IL18R1: variants seen among roughly 807,000 people sequenced by gnomAD.
The protein encoded by IL18R1 is interleukin-18 receptor 1.
Under a neutral mutation model 48.5 loss-of-function variants are expected in IL18R1, and 40 were observed. The ratio of observed to expected loss-of-function variants is 0.82; its 90% confidence interval spans 0.64 to 1.07. IL18R1 has a LOEUF of 1.07. Ranked by LOEUF, IL18R1 falls within the 50% of genes least tolerant of loss-of-function variation. The pLI is 0.00. For synonymous variants in IL18R1, 232 were observed against 225.9 expected, an observed-to-expected ratio of 1.03 and a Z score of -0.24; for missense variants, 596 against 633.7, an observed-to-expected ratio of 0.94 and a Z score of 0.64.
chr2:102,395,678 G>A (rs948817116), intron 10 of IL18R1, among the ~76,000 whole-genome samples: 8 of 152,204 alleles, frequency 5.3e-5, no homozygotes, highest in Non-Finnish European at 8.8e-5. Flanking sequence ...CTATATTTCC[G>A]TTATTTTCTA....
intron 10 of IL18R1, among the ~76,000 whole-genome samples, chr2:102,395,546 CA>C (rs1680776356): frequency 1.3e-5 from 2 of 151,992 alleles, no homozygotes; most frequent in Middle Eastern, 3.4e-3. Context: ...AACAACTTGT[CA>C]AAAAAATATG....
chr2:102,370,235 G>T (rs1483631217), intron 3 of IL18R1, among the ~76,000 whole-genome samples: 1 of 152,222 alleles, frequency 6.6e-6, no homozygotes, highest in African/African-American at 2.4e-5. Flanking sequence ...TCCTGCACAT[G>T]GAGTGTCATC....
At chr2:102,396,507 A>G (rs972231152) in intron 10 of IL18R1, 24 bp from the exon 11 acceptor site, 2 of 1,368,720 alleles carry the variant, frequency 1.5e-6, no homozygotes, top group African/African-American at 2.9e-5. Context: ...TCTTAAATTA[A>G]TAGGGGTTAT....
chr2:102,369,048 G>A (rs1427447799), intron 3 of IL18R1, among the ~76,000 whole-genome samples: 2 of 152,074 alleles, frequency 1.3e-5, no homozygotes, highest in African/African-American at 2.4e-5. Flanking sequence ...TAACTCTTTT[G>A]ATAAAAATCA....
At position 102,385,002 on chromosome 2, in the gene IL18R1, TG is replaced by T; in HGVS notation, c.809+5del. ...AAGAGAAAGAAATGAGAATTATGTATGTATGTGTAATATATATGTCATGATA... is the reference window on the plus strand; with the variant it reads ...AAGAGAAAGAAATGAGAATTATGTATTATGTGTAATATATATGTCATGATA... On this transcript the variant is annotated splice_donor_5th_base_variant and intron_variant, in intron 7 of 10. Coordinates refer to ENST00000233957, the MANE Select transcript of IL18R1 (RefSeq NM_003855.5). 2 of 1,486,624 alleles carry T rather than the reference TG, an allele frequency of 1.3e-6. No homozygotes were observed. Among genetic ancestry groups the T allele is most frequent in the Non-Finnish European group, 1.9e-6 (2 of 1,065,992 alleles). 92.1% of individuals were successfully genotyped at this position (1,486,624 alleles called of 1,614,324 possible). A position where few individuals can be genotyped will look rare whatever the true frequency, so the allele number is the denominator to read the frequency against.
intron 4 of IL18R1, among the ~76,000 whole-genome samples, chr2:102,372,646 A>T (rs1027065409): frequency 5.3e-5 from 8 of 151,608 alleles, no homozygotes; most frequent in East Asian, 1.9e-4. Context: ...GGTATATTTT[A>T]TTTTTTTATG....
Position 102,372,046 on chromosome 2 carries a change from TA to T in IL18R1, c.402del (p.Lys134AsnfsTer5). 2 of 1,608,858 alleles carry T rather than the reference TA, an allele frequency of 1.2e-6. No homozygotes were observed. The highest frequency in any genetic ancestry group is 1.7e-6 in the Non-Finnish European group (2 of 1,177,690). On this transcript the variant is annotated frameshift_variant, in exon 4 of 11. Coordinates refer to ENST00000233957, the MANE Select transcript of IL18R1 (RefSeq NM_003855.5). LOFTEE classifies it high-confidence loss of function. Reference sequence around the variant, plus strand: ...AAGTAACTAGTAAAATTGTGGAAGTTAAAAAATTTTTTCAGATAACCTGTGA... The same window carrying T: ...AAGTAACTAGTAAAATTGTGGAAGTTAAAAATTTTTTCAGATAACCTGTGA... ...RQVTSKIVEV[K>X]KFFQITCENS... is the part of the protein sequence containing the mutation.
chr2:102,375,810 C>G (rs1374531659), intron 4 of IL18R1, 97 bp from the exon 5 acceptor site: 5 of 757,232 alleles, frequency 6.6e-6, no homozygotes, highest in Non-Finnish European at 7.9e-6. Context: ...ATTCTTTTTT[C>G]CTTTTTCTCT....
intron 9 of IL18R1, among the ~76,000 whole-genome samples, chr2:102,392,017 G>A (rs1395683332): frequency 6.6e-6 from 1 of 152,104 alleles, no homozygotes; most frequent in Admixed American, 6.5e-5. Context: ...TTTTGACTTT[G>A]CTTGTAGTGG....
At chr2:102,388,884 G>C (rs190335279) in intron 8 of IL18R1, among the ~76,000 whole-genome samples, 1 of 152,268 alleles carries the variant, frequency 6.6e-6, no homozygotes, top group East Asian at 1.9e-4. Flanking sequence ...ATTGCACCAA[G>C]ATGGCAAAAG....
At chr2:102,377,334 A>T (rs113765805) in intron 5 of IL18R1, among the ~76,000 whole-genome samples, 12 of 152,112 alleles carry the variant, frequency 7.9e-5, no homozygotes, top group Non-Finnish European at 1.3e-4. Flanking sequence ...TATTTTTGAG[A>T]TGGAGTCTTG....
chr2:102,392,448 T>A (rs1343036916), intron 9 of IL18R1, among the ~76,000 whole-genome samples: 1 of 152,180 alleles, frequency 6.6e-6, no homozygotes, highest in African/African-American at 2.4e-5. Flanking sequence ...TTGCGGTAAT[T>A]TTTTCAATTC....
intron 5 of IL18R1, among the ~76,000 whole-genome samples, chr2:102,377,078 A>C (rs1329487466): frequency 2.0e-5 from 3 of 152,232 alleles, no homozygotes; most frequent in Non-Finnish European, 4.4e-5. Context: ...GAGAAACTGG[A>C]AACTGTAACA....
chr2:102,395,402 T>C (rs1457306727), intron 10 of IL18R1, among the ~76,000 whole-genome samples: 2 of 152,078 alleles, frequency 1.3e-5, no homozygotes, highest in Non-Finnish European at 2.9e-5. Flanking sequence ...CTAATATTTA[T>C]TGGATACTAT....
intron 10 of IL18R1, 112 bp downstream of exon 10, chr2:102,394,739 C>A: frequency 1.2e-6 from 1 of 866,858 alleles, no homozygotes; most frequent in Non-Finnish European, 1.7e-6. Context: ...TGAATAAGGT[C>A]CTTTAAGCAA....
In IL18R1 at chr2:102,381,755, A is replaced by T. The variant is rs55813759; in HGVS notation, c.688+73A>T. 66 of 966,284 alleles carry T rather than the reference A, an allele frequency of 6.8e-5. No individual in the cohort carries two copies. In the East Asian group the frequency reaches 1.6e-3, roughly 23 times the overall value. 59.9% of individuals were successfully genotyped at this position (966,284 alleles called of 1,614,324 possible). A position where few individuals can be genotyped will look rare whatever the true frequency, so the allele number is the denominator to read the frequency against. Reference sequence around the variant, plus strand: ...ATAGAGCCTTCCAAGCGTAAATATGATTCATTATTGAATGACACTGGATAC... The same window carrying T: ...ATAGAGCCTTCCAAGCGTAAATATGTTTCATTATTGAATGACACTGGATAC... On this transcript the variant is annotated intron_variant, in intron 6 of 10. Coordinates refer to ENST00000233957, the MANE Select transcript of IL18R1 (RefSeq NM_003855.5).
At chr2:102,384,773 G>A (rs1410968050) in intron 6 of IL18R1, 105 bp from the exon 7 acceptor site, 4 of 1,226,046 alleles carry the variant, frequency 3.3e-6, no homozygotes, top group Admixed American at 4.7e-5. Context: ...CTGGGATGGA[G>A]CACCACGTTT....
At chr2:102,379,831 A>G (rs1030402291) in intron 5 of IL18R1, among the ~76,000 whole-genome samples, 6 of 152,162 alleles carry the variant, frequency 3.9e-5, no homozygotes, top group African/African-American at 1.4e-4. Context: ...CTTTGGGAAG[A>G]GGGAGTCTGG....
chr2:102,379,250 C>T (rs947654309), intron 5 of IL18R1, among the ~76,000 whole-genome samples: 2 of 152,032 alleles, frequency 1.3e-5, no homozygotes, highest in East Asian at 1.9e-4. Flanking sequence ...TCGGGACAGG[C>T]CTGGCCAACA....
Sources: gnomAD v4.1 joint callset for allele counts (sites outside exome capture counted in the v4.1 genomes callset) on GRCh38, gnomAD v4.1.1 for gene constraint, MANE v1.5 for transcripts, NCBI Gene and HGNC (gene_info 2026-07-23, HGNC 2026-07-21) for gene names.